The following MBD5 variants were observed in gnomAD, a reference collection of about 807,000 sequenced individuals.
The protein encoded by MBD5 is methyl-CpG-binding domain protein 5.
A neutral mutation model predicts 117.3 loss-of-function variants in MBD5; 13 were observed. That is an observed-to-expected ratio of 0.11 (90% CI 0.07 to 0.18). The LOEUF (loss-of-function observed/expected upper bound fraction) is 0.18, where lower values mean the gene tolerates loss of function less well. Ranked by LOEUF, MBD5 falls within the 10% of genes least tolerant of loss-of-function variation. MBD5 has a pLI of 1.00. For synonymous variants in MBD5, 727 were observed against 766.4 expected (o/e 0.95, Z 0.85); for missense variants, 1,879 against 2,093.8 (o/e 0.90, Z 2.00).
intron 4 of MBD5, among the ~76,000 whole-genome samples, chr2:148,365,471 C>G (rs1206515187): frequency 6.6e-6 from 1 of 151,880 alleles, no homozygotes; most frequent in Non-Finnish European, 1.5e-5. Context: ...TAGCAGAAGA[C>G]AAGAAATAAA....
chr2:148,079,926 C>T (rs1197918569), intron 1 of MBD5, among the ~76,000 whole-genome samples: 1 of 151,978 alleles, frequency 6.6e-6, no homozygotes, highest in Non-Finnish European at 1.5e-5. Context: ...TACCCATTTT[C>T]CATAAAGTCC....
In MBD5 at chr2:148,468,721, G is replaced by A; in HGVS notation, c.778G>A (p.Ala260Thr). The part of the protein sequence containing the change: ...FTRSNPGFHG[A>T]PNSSPIHLNR... ...AAGAAGTAATCCTGGTTTTCATGGA[G>A]CTCCCAATTCTAGTCCTATTCACCT... The change falls in exon 8 of 14, where the codon GCT becomes ACT. Residue 260 changes from alanine (A) to threonine (T), a missense_variant. By Grantham distance (58) the Ala-to-Thr change is moderately conservative. Around this residue, in one of 4 missense-constraint regions of MBD5, gnomAD observed 1,666 missense variants for 1,792.2 expected, o/e 0.93. Transcript: ENST00000642680. 2 of 1,613,904 alleles carry A rather than the reference G, an allele frequency of 1.2e-6. No homozygotes were observed. Among genetic ancestry groups the A allele is most frequent in the South Asian group, 1.1e-5 (1 of 91,070 alleles).
intron 4 of MBD5, among the ~76,000 whole-genome samples, chr2:148,357,554 C>G (rs532477034): frequency 4.6e-5 from 7 of 151,354 alleles, no homozygotes; most frequent in South Asian, 2.1e-4. Flanking sequence ...AGTGGGTACT[C>G]TCTTCTGAGG....
intron 1 of MBD5, among the ~76,000 whole-genome samples, chr2:148,163,405 G>C (rs574913914): frequency 6.6e-6 from 1 of 152,030 alleles, no homozygotes; most frequent in African/African-American, 2.4e-5. Flanking sequence ...TATCCATAAA[G>C]TTGCTTTGAG....
intron 3 of MBD5, among the ~76,000 whole-genome samples, chr2:148,289,099 T>C (rs376822135): frequency 1.1e-4 from 16 of 152,336 alleles, no homozygotes; most frequent in East Asian, 7.7e-4. Context: ...TCCCAAACTA[T>C]AAGCTTCATT....
intron 3 of MBD5, among the ~76,000 whole-genome samples, chr2:148,328,980 A>C (rs1411093056): frequency 6.6e-6 from 1 of 152,170 alleles, no homozygotes; most frequent in Non-Finnish European, 1.5e-5. Flanking sequence ...TCAATTTTAA[A>C]ATTCTTAATT....
intron 1 of MBD5, among the ~76,000 whole-genome samples, chr2:148,034,982 C>T (rs550585916): frequency 1.3e-5 from 2 of 152,188 alleles, no homozygotes; most frequent in Non-Finnish European, 1.5e-5. Flanking sequence ...GAACCTTTAA[C>T]GAGCTGTTAA....
chr2:148,376,325 C>T (rs1407820405), intron 4 of MBD5, among the ~76,000 whole-genome samples: 2 of 146,046 alleles, frequency 1.4e-5, no homozygotes, highest in Non-Finnish European at 3.0e-5. Flanking sequence ...TGGAGTGCAG[C>T]GGCGCAGTCT....
chr2:148,051,048 T>A (rs760353189), intron 1 of MBD5, among the ~76,000 whole-genome samples: 48 of 152,158 alleles, frequency 3.2e-4, no homozygotes, highest in Non-Finnish European at 6.2e-4. Flanking sequence ...ACTCTTCCAG[T>A]CCATGAACAG....
intron 3 of MBD5, among the ~76,000 whole-genome samples, chr2:148,282,655 T>G (rs1292094994): frequency 6.6e-6 from 1 of 151,868 alleles, no homozygotes; most frequent in Non-Finnish European, 1.5e-5. Context: ...ATGATATACA[T>G]GTTTAATGTA....
At chr2:148,200,532 C>T (rs2105951101) in intron 2 of MBD5, among the ~76,000 whole-genome samples, 1 of 151,810 alleles carries the variant, frequency 6.6e-6, no homozygotes, top group Non-Finnish European at 1.5e-5. Context: ...TCTGCTAAAA[C>T]TACAAAAAAA....
intron 4 of MBD5, among the ~76,000 whole-genome samples, chr2:148,356,280 A>T (rs1331620106): frequency 2.0e-5 from 3 of 152,166 alleles, no homozygotes; most frequent in Non-Finnish European, 4.4e-5. Flanking sequence ...GCAGCTGATC[A>T]GTAGGGCCTC....
At chr2:148,265,931 GA>G (rs11452364) in intron 3 of MBD5, among the ~76,000 whole-genome samples, 9 of 151,512 alleles carry the variant, frequency 5.9e-5, no homozygotes, top group Non-Finnish European at 1.2e-4. Flanking sequence ...TCAGGAAAGA[GA>G]AAAAAATGCT....
chr2:148,277,715 G>T (rs1018192011), intron 3 of MBD5, among the ~76,000 whole-genome samples: 1 of 151,978 alleles, frequency 6.6e-6, no homozygotes, highest in Admixed American at 6.6e-5. Context: ...CTAGAGATTG[G>T]TCTATATTAT....
At chr2:148,215,998 A>G (rs1403230638) in intron 2 of MBD5, among the ~76,000 whole-genome samples, 2 of 152,216 alleles carry the variant, frequency 1.3e-5, no homozygotes, top group Non-Finnish European at 2.9e-5. Context: ...GAAAAAAACA[A>G]TGGATTTTTA....
At chr2:148,315,872 C>G (rs1264199822) in intron 3 of MBD5, among the ~76,000 whole-genome samples, 1 of 152,162 alleles carries the variant, frequency 6.6e-6, no homozygotes, top group Non-Finnish European at 1.5e-5. Context: ...TTTCATTAGT[C>G]CGTTCTCACA....
At chr2:148,076,285 C>G (rs1029346887) in intron 1 of MBD5, among the ~76,000 whole-genome samples, 3 of 151,956 alleles carry the variant, frequency 2.0e-5, no homozygotes, top group African/African-American at 7.3e-5. Flanking sequence ...CTCCATGTAG[C>G]CTGAAGAAGC....
At chr2:148,404,314 A>G (rs959595588) in intron 4 of MBD5, among the ~76,000 whole-genome samples, 1 of 152,176 alleles carries the variant, frequency 6.6e-6, no homozygotes, top group Non-Finnish European at 1.5e-5. Context: ...ACTGCTGAGC[A>G]GAACACTTCT....
At chr2:148,456,519 T>C (rs1438439093) in intron 4 of MBD5, among the ~76,000 whole-genome samples, 1 of 152,090 alleles carries the variant, frequency 6.6e-6, no homozygotes, top group Non-Finnish European at 1.5e-5. Flanking sequence ...CTAGCACATA[T>C]AGTAGCTGCT....
Sources: gnomAD v4.1 joint callset for allele counts (sites outside exome capture counted in the v4.1 genomes callset) on GRCh38, gnomAD v4.1.1 for gene constraint, gnomAD v4.1.1 regional missense constraint, MANE v1.5 for transcripts, NCBI Gene and HGNC (gene_info 2026-07-23, HGNC 2026-07-21) for gene names.